The following MSRA variants were observed in gnomAD, a reference collection of about 807,000 sequenced individuals.
MSRA encodes methionine sulfoxide reductase A, also known as mitochondrial peptide methionine sulfoxide reductase.
Under a neutral mutation model 31.3 loss-of-function variants are expected in MSRA, and 54 were observed. The observed-to-expected ratio is 1.73, with a 90% CI of 1.39 to 2.17. The LOEUF (loss-of-function observed/expected upper bound fraction) is 2.17, where lower values mean the gene tolerates loss of function less well. MSRA is among the 30% of genes most tolerant of loss of function. The pLI, the probability that MSRA is intolerant of heterozygous loss-of-function variation, is 0.00. For missense variants in MSRA, 507 were observed against 300.9 expected (o/e 1.69, Z -5.07); for synonymous variants, 169 against 116.5 (o/e 1.45, Z -2.90).
intron 5 of MSRA, among the ~76,000 whole-genome samples, chr8:10,368,895 CA>C (rs945960037): frequency 6.6e-6 from 1 of 151,692 alleles, no homozygotes; most frequent in African/African-American, 2.4e-5. Context: ...GCCAGAAAAC[CA>C]AGCAAAGGCT....
intron 1 of MSRA, among the ~76,000 whole-genome samples, chr8:10,205,835 T>G (rs1187674051): frequency 3.3e-5 from 5 of 152,230 alleles, no homozygotes; most frequent in African/African-American, 1.2e-4. Context: ...GGATTGTGTT[T>G]CCTTACCATT....
chr8:10,339,556 T>C (rs111504144), intron 5 of MSRA, among the ~76,000 whole-genome samples: 2,495 of 100,046 alleles, frequency 0.025, 36 homozygotes, highest in South Asian at 0.044. Context: ...TTTTTTTTTT[T>C]TCTGAGACGG....
intron 1 of MSRA, among the ~76,000 whole-genome samples, chr8:10,077,807 C>G (rs1371665133): frequency 6.6e-6 from 1 of 152,146 alleles, no homozygotes; most frequent in Non-Finnish European, 1.5e-5. Context: ...TTCTTGCTAT[C>G]CATTTAGGAG....
At chr8:10,089,486 T>G (rs1672186651) in intron 1 of MSRA, among the ~76,000 whole-genome samples, 1 of 152,208 alleles carries the variant, frequency 6.6e-6, no homozygotes, top group South Asian at 2.1e-4. Context: ...CCATGGTCAG[T>G]GTCTGATGTG....
intron 1 of MSRA, among the ~76,000 whole-genome samples, chr8:10,070,315 A>AGGG (rs1205263141): frequency 1.3e-5 from 2 of 152,344 alleles, no homozygotes; most frequent in Non-Finnish European, 2.9e-5. Flanking sequence ...GGAGTCACCT[A>AGGG]GTCACATTTG....
chr8:10,244,008 G>C (rs140796051), intron 2 of MSRA, among the ~76,000 whole-genome samples: 5 of 151,986 alleles, frequency 3.3e-5, no homozygotes, highest in African/African-American at 1.2e-4. Flanking sequence ...TGTTGCTTTG[G>C]ATTTTTAGAG....
intron 3 of MSRA, among the ~76,000 whole-genome samples, chr8:10,245,822 A>C (rs1352897814): frequency 6.6e-6 from 1 of 152,232 alleles, no homozygotes; most frequent in African/African-American, 2.4e-5. Context: ...TGGCCAAAGC[A>C]AGTCATATGC....
At chr8:10,352,579 C>G (rs1195049250) in intron 5 of MSRA, among the ~76,000 whole-genome samples, 2 of 151,990 alleles carry the variant, frequency 1.3e-5, no homozygotes, top group African/African-American at 2.4e-5. Context: ...GCTGGTTAGT[C>G]TCTGTTCTTT....
At chr8:10,288,844 C>A (rs1800076538) in intron 3 of MSRA, among the ~76,000 whole-genome samples, 1 of 152,102 alleles carries the variant, frequency 6.6e-6, no homozygotes, top group African/African-American at 2.4e-5. Context: ...ACTTAAAAAG[C>A]AACTATAATG....
chr8:10,365,069 A>C (rs1805078541), intron 5 of MSRA, among the ~76,000 whole-genome samples: 1 of 151,512 alleles, frequency 6.6e-6, no homozygotes, highest in Non-Finnish European at 1.5e-5. Context: ...CCAAACAGAC[A>C]GATAGGAAGC....
chr8:10,378,111 G>A (rs1290019367), intron 5 of MSRA, among the ~76,000 whole-genome samples: 1 of 152,252 alleles, frequency 6.6e-6, no homozygotes, highest in Admixed American at 6.5e-5. Context: ...AGGGCACAGG[G>A]CGGAAGCAGG....
intron 3 of MSRA, among the ~76,000 whole-genome samples, chr8:10,259,473 G>A (rs1186815874): frequency 6.6e-6 from 1 of 152,102 alleles, no homozygotes; most frequent in Non-Finnish European, 1.5e-5. Flanking sequence ...GGTGTGTAGG[G>A]ACCCGTGACA....
chr8:10,425,448 G>A (rs1809092978), intron 5 of MSRA, among the ~76,000 whole-genome samples: 2 of 152,260 alleles, frequency 1.3e-5, no homozygotes, highest in African/African-American at 4.8e-5. Flanking sequence ...AAGGGAGGAG[G>A]AGGAGGGGAG....
intron 1 of MSRA, among the ~76,000 whole-genome samples, chr8:10,064,949 A>C (rs1797386039): frequency 1.3e-5 from 2 of 152,106 alleles, no homozygotes; most frequent in Non-Finnish European, 1.5e-5. Flanking sequence ...TTTTGAATGC[A>C]CTGTTGTTAG....
intron 1 of MSRA, among the ~76,000 whole-genome samples, chr8:10,054,863 C>T (rs1456737379): frequency 6.6e-6 from 1 of 152,194 alleles, no homozygotes; most frequent in Non-Finnish European, 1.5e-5. Flanking sequence ...CTTTGTTTGG[C>T]TCGTCATCTT....
chr8:10,113,289 C>CTTT lies in MSRA; in HGVS notation c.142+58633_142+58634insTTT, dbSNP rs1467440154. Among the ~76,000 whole-genome samples, 112 of 50,884 alleles carry CTTT rather than the reference C, an allele frequency of 2.2e-3. 16 individuals are homozygous for CTTT. Among genetic ancestry groups the CTTT allele is most frequent in the South Asian group, 5.6e-3 (6 of 1,062 alleles). The allele number at this position is 50,884 out of a possible 152,430, so 33.4% of individuals were successfully genotyped here. A position where few individuals can be genotyped will look rare whatever the true frequency, so the allele number is the denominator to read the frequency against. On this transcript the variant is annotated intron_variant, in intron 1 of 5. Transcript: ENST00000317173. ...AGGCATGGCTTTGGTGAAGACAGGT[C>CTTT]TTCTTTTTTTTTTTTTTTTTTTTTT...
At chr8:10,077,715 G>T (rs1484854427) in intron 1 of MSRA, among the ~76,000 whole-genome samples, 1 of 151,888 alleles carries the variant, frequency 6.6e-6, no homozygotes, top group Non-Finnish European at 1.5e-5. Context: ...TGAGGCTTCT[G>T]ACAACTCATC....
chr8:10,397,777 T>G (rs1257532867), intron 5 of MSRA, among the ~76,000 whole-genome samples: 1 of 152,256 alleles, frequency 6.6e-6, no homozygotes, highest in East Asian at 1.9e-4. Flanking sequence ...ATATCTGGAT[T>G]GGAGCTTTCT....
chr8:10,337,832 G>C, intron 5 of MSRA: 1 of 702,282 alleles, frequency 1.4e-6, no homozygotes, highest in Admixed American at 2.0e-5. Flanking sequence ...TATGCAGCAA[G>C]GTGCCTTCTT....
Sources: gnomAD v4.1 joint callset for allele counts (sites outside exome capture counted in the v4.1 genomes callset) on GRCh38, gnomAD v4.1.1 for gene constraint, MANE v1.5 for transcripts, NCBI Gene and HGNC (gene_info 2026-07-23, HGNC 2026-07-21) for gene names.